Variants in NEK5 observed in about 807,000 individuals in gnomAD.
The protein encoded by NEK5 is NIMA related kinase 5.
In NEK5, 88 loss-of-function variants were observed where a neutral mutation model predicts 109.2. The observed-to-expected ratio is 0.81, with a 90% CI of 0.68 to 0.96. The LOEUF (loss-of-function observed/expected upper bound fraction) is 0.96. NEK5 is among the 40% of genes least tolerant of loss of function. The pLI, the probability that NEK5 is intolerant of heterozygous loss-of-function variation, is 0.00. For synonymous variants in NEK5, 283 were observed against 299.9 expected (o/e 0.94, Z 0.58); for missense variants, 834 against 920.7 (o/e 0.91, Z 1.22).
At chr13:52,125,301 T>C (rs926011981) in intron 3 of NEK5, among the ~76,000 whole-genome samples, 3 of 152,208 alleles carry the variant, frequency 2.0e-5, no homozygotes, top group East Asian at 1.9e-4. Context: ...TGGTGGCTCA[T>C]GCCTGTAATC....
rs1006447932 is a variant in NEK5, at chr13:52,089,246, C to A, written c.1275+1G>T. On this transcript the variant is annotated splice_donor_variant, in intron 14 of 23. Transcript: ENST00000684899. LOFTEE classifies it high-confidence loss of function. ...CTTCCCATATTTGGTATTTTACTTA[C>A]CAATTGCTTCTCCACTTTCAACTTA... is the stretch of plus-strand genomic sequence containing the variant. 2 of 1,566,732 alleles carry A rather than the reference C, an allele frequency of 1.3e-6. No homozygotes were observed. Among genetic ancestry groups the A allele is most frequent in the South Asian group, 2.2e-5 (2 of 89,508 alleles).
intron 15 of NEK5, among the ~76,000 whole-genome samples, chr13:52,086,840 G>T (rs1156850284): frequency 6.6e-6 from 1 of 152,168 alleles, no homozygotes; most frequent in Non-Finnish European, 1.5e-5. Context: ...CACACAGGAA[G>T]AACAGCATGT....
chr13:52,082,198 C>T, intron 17 of NEK5: 1 of 268,520 alleles, frequency 3.7e-6, no homozygotes, highest in Non-Finnish European at 7.1e-6. Flanking sequence ...GCCTATAATT[C>T]CAGCTACTCA....
chr13:52,050,720 C>CTTT (rs772811272), intron 22 of NEK5, among the ~76,000 whole-genome samples: 7 of 99,914 alleles, frequency 7.0e-5, no homozygotes, highest in African/African-American at 1.5e-4. Context: ...TTGTTTTTTT[C>CTTT]TTTTTTTTTT....
At chr13:52,056,088 A>C (rs970546423) in intron 22 of NEK5, among the ~76,000 whole-genome samples, 6 of 152,206 alleles carry the variant, frequency 3.9e-5, no homozygotes, top group African/African-American at 1.2e-4. Context: ...GCTCAAAATA[A>C]AAGGATGGAG....
intron 23 of NEK5, among the ~76,000 whole-genome samples, chr13:52,043,552 GAAAGAAAAAGAA>G (rs1333450551): frequency 7.4e-6 from 1 of 135,560 alleles, no homozygotes; most frequent in South Asian, 2.3e-4. Flanking sequence ...AAAAAAAAAA[GAAAGAAAAAGAA>G]AAAGAAAAGA....
At position 52,096,501 on chromosome 13, in the gene NEK5, G is replaced by A. The variant is rs539433648; in HGVS notation, c.1026+3242C>T. 3.9e-5 allele frequency among the ~76,000 whole-genome samples: 6 copies of A among 152,308 alleles called. No homozygotes were observed. In the South Asian group the frequency reaches 1.2e-3, roughly 32 times the overall value. On this transcript the variant is annotated intron_variant, in intron 12 of 23. Transcript: ENST00000684899. ...CAAAGGACACTTTTGTTATGAATTA[G>A]CAAAGAGGTTGGAGGCATTGTGCCA...
At position 52,093,179 on chromosome 13, in the gene NEK5, A is replaced by G; in HGVS notation, c.1083T>C (p.Tyr361=). ...IAAVCGHYDY[Y]YAQLDMLRRR... ...TCCTCAGCATATCAAGTTGAGCATA[A>G]TAATAATCATAATGTCCACAGACAG... The change falls in exon 13 of 24, where the codon TAT becomes TAC. Residue 361 remains tyrosine, a synonymous_variant. Coordinates refer to ENST00000684899, the MANE Select transcript of NEK5 (RefSeq NM_001365552.1). The G allele has an allele frequency of 1.9e-6, 3 of 1,613,716 alleles. No homozygotes were observed. Among genetic ancestry groups the G allele is most frequent in the Admixed American group, 3.3e-5 (2 of 60,016 alleles).
intron 8 of NEK5, 45 bp from the exon 9 acceptor site, chr13:52,104,597 C>A: frequency 7.4e-7 from 1 of 1,359,016 alleles, no homozygotes; most frequent in South Asian, 1.2e-5. Context: ...ATCCATAATT[C>A]TTAATAAAAG....
chr13:52,070,341 G>A (rs1300076552), intron 20 of NEK5, among the ~76,000 whole-genome samples: 1 of 152,168 alleles, frequency 6.6e-6, no homozygotes, highest in Non-Finnish European at 1.5e-5. Flanking sequence ...AAAAAAATCT[G>A]AGCAGAGTAA....
rs1955137519 is a variant in NEK5, at chr13:52,086,167, T to G, written c.1479+110A>C. ...AAAAAGAAGTCTACATGATTATCTC[T>G]ATGATAAAACTTTATCTTTTCTATA... is the stretch of plus-strand genomic sequence containing the variant. On this transcript the variant is annotated intron_variant, in intron 16 of 23. Transcript: ENST00000684899. 8 of 770,870 alleles carry G rather than the reference T, an allele frequency of 1.0e-5. No individual in the cohort carries two copies. The South Asian group carries it at 1.2e-4, about 12-fold the overall frequency. The allele number at this position is 770,870 out of a possible 1,614,324, so 47.8% of individuals were successfully genotyped here.
At chr13:52,124,803 T>C (rs1246662963) in intron 3 of NEK5, among the ~76,000 whole-genome samples, 1 of 152,232 alleles carries the variant, frequency 6.6e-6, no homozygotes, top group Non-Finnish European at 1.5e-5. Flanking sequence ...TAGTCAAACC[T>C]AGGCAACTCT....
intron 23 of NEK5, among the ~76,000 whole-genome samples, chr13:52,042,522 T>C (rs1330855717): frequency 2.6e-5 from 4 of 151,812 alleles, no homozygotes; most frequent in Admixed American, 2.6e-4. Flanking sequence ...ATGTTGATAA[T>C]TGTTGAAGCT....
rs970154720 is a variant in NEK5 at position 52,071,837 on chromosome 13, A to G, written c.1849+107T>C. The G allele has an allele frequency of 5.3e-6, 5 of 952,088 alleles. No homozygotes were observed. In the Admixed American group the frequency reaches 6.0e-5, roughly 11 times the overall value. The allele number at this position is 952,088 out of a possible 1,614,324, so 59.0% of individuals were successfully genotyped here. ...TCTGCCTTGCTTAGAGAGGGCAGAA[A>G]GGGGTCAAGTAACAGTGGAGCCGAG... On this transcript the variant is annotated intron_variant, in intron 20 of 23. Coordinates refer to ENST00000684899, the MANE Select transcript of NEK5 (RefSeq NM_001365552.1).
intron 13 of NEK5, among the ~76,000 whole-genome samples, chr13:52,090,422 A>G (rs1287357934): frequency 1.3e-5 from 2 of 152,240 alleles, no homozygotes; most frequent in Non-Finnish European, 2.9e-5. Context: ...TCAGGGATTT[A>G]GAAATAGGAT....
At chr13:52,059,698 G>A (rs1167828220) in intron 22 of NEK5, among the ~76,000 whole-genome samples, 2 of 151,556 alleles carry the variant, frequency 1.3e-5, no homozygotes, top group Admixed American at 6.6e-5. Context: ...GTAAACTATC[G>A]CAAGAACAAA....
intron 20 of NEK5, among the ~76,000 whole-genome samples, chr13:52,070,896 T>G (rs1165546446): frequency 1.3e-5 from 2 of 152,244 alleles, no homozygotes; most frequent in African/African-American, 4.8e-5. Context: ...ACTTTGGTCC[T>G]CACAATTACC....
chr13:52,127,099 A>G (rs11617548), intron 3 of NEK5, among the ~76,000 whole-genome samples: 1 of 152,162 alleles, frequency 6.6e-6, no homozygotes, highest in Non-Finnish European at 1.5e-5. Context: ...TGCCCAGGCT[A>G]TCTCGAACTC....
At chr13:52,086,566 A>C (rs757487449) in intron 15 of NEK5, among the ~76,000 whole-genome samples, 12 of 152,222 alleles carry the variant, frequency 7.9e-5, no homozygotes, top group Non-Finnish European at 1.5e-4. Context: ...TACAGAGCTC[A>C]ATTTTATATA....
Sources: allele counts gnomAD v4.1 joint callset (sites outside exome capture counted in the v4.1 genomes callset), GRCh38; gene constraint gnomAD v4.1.1; transcripts MANE v1.5; gene names NCBI Gene and HGNC (gene_info 2026-07-23, HGNC 2026-07-21).